Variants in TKTL1 observed in about 807,000 individuals in gnomAD.
TKTL1 encodes the protein transketolase like 1.
In TKTL1, 1 loss-of-function variant was observed where a neutral mutation model predicts 39.3. The observed-to-expected ratio is 0.03, with a 90% CI of 0.01 to 0.12. The LOEUF is 0.12. Among genes scored for constraint, TKTL1 ranks in the 10% least tolerant of loss-of-function variants. The pLI is 1.00. For missense variants in TKTL1, 575 were observed against 509.6 expected, an observed-to-expected ratio of 1.13 and a Z score of -1.24; for synonymous variants, 262 against 193.8, an observed-to-expected ratio of 1.35 and a Z score of -2.92.
chrX:154,298,884 G>A (rs373845216), intron 1 of TKTL1, among the ~76,000 whole-genome samples: 3 of 109,533 alleles, frequency 2.7e-5, no homozygotes, highest in African/African-American at 9.9e-5. Flanking sequence ...TTGCTGTGTC[G>A]CCCAGGCTAG....
At chrX:154,300,205 G>A (rs1187655383) in intron 1 of TKTL1, among the ~76,000 whole-genome samples, 6 of 111,234 alleles carry the variant, frequency 5.4e-5, no homozygotes, top group Non-Finnish European at 3.8e-5. Context: ...TAGTAGAGAC[G>A]GGGTTTCACC....
chrX:154,309,685 T>C (rs1387561789), intron 3 of TKTL1, among the ~76,000 whole-genome samples: 1 of 111,318 alleles, frequency 9.0e-6, no homozygotes, highest in Non-Finnish European at 1.9e-5. Flanking sequence ...TCCATTCTTA[T>C]CCTAGGGTTG....
rs1328551284 is a variant in TKTL1, at chrX:154,330,022, C to T, written c.*334C>T. Reference sequence around the variant, plus strand: ...ATCAATTCTTCCGAAGTGTTTCCTTCGTGAATAACTGGTAGAGGTAATAGT... The same window carrying T: ...ATCAATTCTTCCGAAGTGTTTCCTTTGTGAATAACTGGTAGAGGTAATAGT... On this transcript the variant is annotated 3_prime_UTR_variant, in exon 13 of 13. Transcript: ENST00000369915. 2.3e-5 allele frequency: 4 copies of T among 173,161 alleles called. 1 individual carries two copies. Among genetic ancestry groups the T allele is most frequent in the South Asian group, 4.3e-4 (2 of 4,636 alleles). 14.3% of individuals were successfully genotyped at this position (173,161 alleles called of 1,213,427 possible). A position where few individuals can be genotyped will look rare whatever the true frequency, so the allele number is the denominator to read the frequency against.
intron 1 of TKTL1, among the ~76,000 whole-genome samples, chrX:154,296,650 T>A (rs1288326480): frequency 9.0e-6 from 1 of 111,246 alleles, no homozygotes; most frequent in Non-Finnish European, 1.9e-5. Context: ...CTAGTTGTAT[T>A]GTAGTATTTG....
chrX:154,326,165 TCTTA>T (rs1283245139), intron 10 of TKTL1, among the ~76,000 whole-genome samples: 16 of 111,492 alleles, frequency 1.4e-4, no homozygotes, highest in African/African-American at 5.2e-4. Context: ...AAAGTAAGTG[TCTTA>T]CTTAAGGGTT....
Position 154,325,341 on chromosome X carries a change from G to A in TKTL1, c.1320G>A (p.Gly440=), listed in dbSNP as rs190698074. Residue 440 remains glycine, a splice_region_variant and synonymous_variant, in exon 10 of 13, where the codon GGG becomes GGA. Transcript: ENST00000369915. ...CCATGGCTCCATTTATGCCCTAGGG[G>A]ATGTGCTTCATTCGGACCACCCGAC... is the stretch of plus-strand genomic sequence containing the variant. ...HAVALAANAK[G]MCFIRTTRPE... is the part of the protein sequence containing the mutation. 2.5e-6 allele frequency: 3 copies of A among 1,209,586 alleles called. No individual in the cohort carries two copies. The Admixed American group carries it at 6.5e-5, about 26-fold the overall frequency.
chrX:154,309,055 A>T (rs1303922561), intron 2 of TKTL1, among the ~76,000 whole-genome samples: 2 of 110,862 alleles, frequency 1.8e-5, no homozygotes, highest in Non-Finnish European at 3.8e-5. Flanking sequence ...TGTATGGATT[A>T]CCTATGACTC....
intron 7 of TKTL1, chrX:154,320,537 A>C (rs1408536140): frequency 9.7e-6 from 4 of 413,438 alleles, no homozygotes; most frequent in Non-Finnish European, 1.3e-5. Flanking sequence ...AGAGAGTCTC[A>C]TCTCTTGCTC....
rs782441344 is a variant in TKTL1 at position 154,301,447 on chromosome X, G to GT, written c.135-3856dup. Among the ~76,000 whole-genome samples, 97 of 111,699 alleles carry GT rather than the reference G, an allele frequency of 8.7e-4. 1 individual carries two copies. Among genetic ancestry groups the GT allele is most frequent in the Non-Finnish European group, 1.5e-3 (81 of 53,100 alleles). ...CAGGAAAATCACTTGAACCCGGAAG[G>GT]TGGAGGTTGCAGTGAGCCGAGAGAG... On this transcript the variant is annotated intron_variant, in intron 1 of 12. Transcript: ENST00000369915.
intron 1 of TKTL1, among the ~76,000 whole-genome samples, chrX:154,296,318 G>A (rs915528364): frequency 9.0e-6 from 1 of 111,327 alleles, no homozygotes; most frequent in Non-Finnish European, 1.9e-5. Context: ...CTGAGGTGGC[G>A]GGAGAATGTC....
intron 1 of TKTL1, among the ~76,000 whole-genome samples, chrX:154,298,149 T>C (rs973221378): frequency 1.8e-5 from 2 of 111,661 alleles, no homozygotes; most frequent in Middle Eastern, 4.2e-3. Flanking sequence ...CATGCAGTTA[T>C]TCATAGTACA....
At chrX:154,300,155 A>C (rs782355250) in intron 1 of TKTL1, among the ~76,000 whole-genome samples, 8 of 110,944 alleles carry the variant, frequency 7.2e-5, no homozygotes, top group Non-Finnish European at 1.3e-4. Context: ...AGCTGGGACT[A>C]CAGGCACACG....
chrX:154,328,374 C>G (rs2067509510), intron 12 of TKTL1, among the ~76,000 whole-genome samples: 1 of 106,446 alleles, frequency 9.4e-6, no homozygotes, highest in Non-Finnish European at 1.9e-5. Flanking sequence ...GGTGAAACCC[C>G]ATCTCTACTA....
At chrX:154,322,559 AAAG>A (rs1325426111) in intron 8 of TKTL1, among the ~76,000 whole-genome samples, 2 of 111,392 alleles carry the variant, frequency 1.8e-5, no homozygotes, top group African/African-American at 6.5e-5. Context: ...TTTTTTAAAA[AAAG>A]AGCTGGGCTG....
rs1219027733 is a variant in TKTL1 at position 154,310,987 on chromosome X, C to T, written c.502C>T (p.His168Tyr). The T allele has an allele frequency of 9.9e-6, 12 of 1,210,620 alleles. No individual in the cohort carries two copies. The highest frequency in any genetic ancestry group is 1.3e-5 in the Non-Finnish European group (12 of 895,373). Residue 168 changes from histidine (H) to tyrosine (Y), a missense_variant, in exon 4 of 13, where the codon CAC becomes TAC. His to Tyr is a moderately conservative substitution (Grantham distance 83). Coordinates refer to ENST00000369915, the MANE Select transcript of TKTL1 (RefSeq NM_012253.4). ...LGHSGALPAE[H>Y]CINIYQRRCE... Reference sequence around the variant, plus strand: ...ACACAGTGGTGCATTGCCCGCCGAGCACTGCATAAACATCTATCAGAGGCG... The same window carrying T: ...ACACAGTGGTGCATTGCCCGCCGAGTACTGCATAAACATCTATCAGAGGCG...
At chrX:154,317,329 A>G (rs2067409172) in intron 7 of TKTL1, among the ~76,000 whole-genome samples, 1 of 111,944 alleles carries the variant, frequency 8.9e-6, no homozygotes, top group Non-Finnish European at 1.9e-5. Context: ...AACCTCTCAG[A>G]AAAGGTGATA....
At chrX:154,303,761 G>A (rs2067293922) in intron 1 of TKTL1, among the ~76,000 whole-genome samples, 2 of 108,525 alleles carry the variant, frequency 1.8e-5, no homozygotes, top group South Asian at 8.0e-4. Flanking sequence ...CTCACTTGAA[G>A]CAAAAGGCAC....
At position 154,329,673 on chromosome X, in the gene TKTL1, C is replaced by G. The variant is rs1557172817; in HGVS notation, c.1776C>G (p.Cys592Trp). 4.1e-6 allele frequency: 5 copies of G among 1,209,111 alleles called. No individual in the cohort carries two copies. Among genetic ancestry groups the G allele is most frequent in the African/African-American group, 1.7e-5 (1 of 57,206 alleles). Reference protein sequence around the residue: ...SARHIIVAVKCMLLN With the variant: ...SARHIIVAVKWMLLN ...GACATATCATAGTGGCCGTGAAATG[C>G]ATGTTGCTGAACTAAAATAGCTGTT... The change falls in exon 13 of 13, where the codon TGC becomes TGG. Residue 592 changes from cysteine to tryptophan, a missense_variant. Cys to Trp is a radical substitution (Grantham distance 215). Transcript: ENST00000369915.
rs2067352461 is a variant in TKTL1, at chrX:154,310,974, A to G, written c.489A>G (p.Ala163=). ...TGAACCGCCTGGGACACAGTGGTGC[A>G]TTGCCCGCCGAGCACTGCATAAACA... ...FDVNRLGHSG[A]LPAEHCINIY... is the part of the protein sequence containing the mutation. Residue 163 remains alanine (A), a synonymous_variant, in exon 4 of 13, where the codon GCA becomes GCG. Coordinates refer to ENST00000369915, the MANE Select transcript of TKTL1 (RefSeq NM_012253.4). 1 of 1,211,949 alleles carries G rather than the reference A, an allele frequency of 8.3e-7. No individual in the cohort carries two copies. The highest frequency in any genetic ancestry group is 1.8e-5 in the South Asian group (1 of 57,006).
Sources: allele counts gnomAD v4.1 joint callset (sites outside exome capture counted in the v4.1 genomes callset), GRCh38; gene constraint gnomAD v4.1.1; transcripts MANE v1.5; gene names NCBI Gene and HGNC (gene_info 2026-07-23, HGNC 2026-07-21).